The following NALCN variants were observed in gnomAD, a reference collection of about 807,000 sequenced individuals.
NALCN encodes sodium leak channel NALCN.
In NALCN, 111 loss-of-function variants were observed where a neutral mutation model predicts 225.3. The ratio of observed to expected loss-of-function variants is 0.49; its 90% confidence interval spans 0.42 to 0.58. NALCN has a LOEUF of 0.58. Ranked by LOEUF, NALCN falls within the 20% of genes least tolerant of loss-of-function variation. The probability of loss-of-function intolerance (pLI) is 0.00; values close to 1 mark genes in which losing one functional copy is unlikely to be tolerated. For missense variants in NALCN, 1,378 were observed against 2,202.4 expected, an observed-to-expected ratio of 0.63 and a Z score of 7.49; for synonymous variants, 764 against 769.0, an observed-to-expected ratio of 0.99 and a Z score of 0.11.
In NALCN at chr13:101,220,494, T is replaced by C. The variant is rs570508782; in HGVS notation, c.1626+8899A>G. On this transcript the variant is annotated intron_variant, in intron 13 of 43. Coordinates refer to ENST00000251127, the MANE Select transcript of NALCN (RefSeq NM_052867.4). ...AATTGTAATATTTTTTAACATTTCC[T>C]TGTAAAATTTTATTACTCTTCATGG... Among the ~76,000 whole-genome samples the C allele has an allele frequency of 1.1e-4, 17 of 152,354 alleles. No individual in the cohort carries two copies. In the South Asian group the frequency reaches 3.5e-3, roughly 32 times the overall value.
chr13:101,259,020 C>T (rs2042331040), intron 10 of NALCN, among the ~76,000 whole-genome samples: 3 of 152,018 alleles, frequency 2.0e-5, no homozygotes, highest in Admixed American at 2.0e-4. Flanking sequence ...TAAGAGAAAC[C>T]TGAGATTTAT....
At chr13:101,185,166 G>T (rs909929426) in intron 14 of NALCN, among the ~76,000 whole-genome samples, 1 of 152,184 alleles carries the variant, frequency 6.6e-6, no homozygotes, top group Non-Finnish European at 1.5e-5. Context: ...AAAGTCAAAT[G>T]TAATCAGCGC....
intron 1 of NALCN, among the ~76,000 whole-genome samples, chr13:101,403,017 C>T (rs545483065): frequency 6.6e-6 from 1 of 152,252 alleles, no homozygotes; most frequent in East Asian, 1.9e-4. Flanking sequence ...GGCCATGGGC[C>T]CTCAGGTCTG....
chr13:101,394,114 G>C (rs1387830219), intron 3 of NALCN, among the ~76,000 whole-genome samples: 1 of 152,032 alleles, frequency 6.6e-6, no homozygotes, highest in African/African-American at 2.4e-5. Flanking sequence ...AAACAGAATT[G>C]GCTAAATATT....
At chr13:101,187,672 A>G (rs564682344) in intron 14 of NALCN, among the ~76,000 whole-genome samples, 1 of 152,338 alleles carries the variant, frequency 6.6e-6, no homozygotes, top group South Asian at 2.1e-4. Flanking sequence ...TGCAAGCCCA[A>G]TTGATACCAG....
chr13:101,354,768 T>C (rs1414843410), intron 6 of NALCN, among the ~76,000 whole-genome samples: 1 of 152,240 alleles, frequency 6.6e-6, no homozygotes. Context: ...TTGAATGTGG[T>C]TTGACTGAGT....
intron 10 of NALCN, among the ~76,000 whole-genome samples, chr13:101,274,105 G>A (rs1029963150): frequency 2.6e-5 from 4 of 152,040 alleles, no homozygotes; most frequent in Admixed American, 2.6e-4. Flanking sequence ...CCTATCATCC[G>A]GAGAGCCATC....
intron 18 of NALCN, among the ~76,000 whole-genome samples, chr13:101,121,546 C>A (rs780215212): frequency 2.0e-5 from 3 of 151,982 alleles, no homozygotes; most frequent in African/African-American, 7.2e-5. Context: ...ACCTCCCTGG[C>A]GAGGAACCTC....
intron 10 of NALCN, among the ~76,000 whole-genome samples, chr13:101,276,451 C>T (rs572414876): frequency 6.6e-6 from 1 of 152,310 alleles, no homozygotes; most frequent in South Asian, 2.1e-4. Context: ...CAATACCTTT[C>T]TGCTAGTCCT....
intron 6 of NALCN, among the ~76,000 whole-genome samples, chr13:101,347,340 T>C (rs1003873161): frequency 6.6e-6 from 1 of 152,102 alleles, no homozygotes; most frequent in East Asian, 1.9e-4. Context: ...TTGCTCCCTC[T>C]AGTCATATTT....
At position 101,237,829 on chromosome 13, in the gene NALCN, C is replaced by G. The variant is rs745318137; in HGVS notation, c.1360G>C (p.Glu454Gln). The G allele has an allele frequency of 1.9e-6, 3 of 1,605,816 alleles. No individual in the cohort carries two copies. The South Asian group carries it at 3.3e-5, about 18-fold the overall frequency. ...GTAGTTCCAATTACGAGTAGTAGTT[C>G]GAATTTGTGGAGAGATGAGCTAATA... ...GYISSSLHKFELLLVIGTTLH... is the reference protein window; with the variant it reads ...GYISSSLHKFQLLLVIGTTLH... Residue 454 changes from glutamate (E) to glutamine (Q), a missense_variant, in exon 12 of 44, where the codon GAA (glutamate) becomes CAA (glutamine). This residue lies in a region of NALCN where 144 missense variants were observed against 187.7 expected (regional missense o/e 0.77). Coordinates refer to ENST00000251127, the MANE Select transcript of NALCN (RefSeq NM_052867.4).
chr13:101,274,770 CTG>C (rs1481124853), intron 10 of NALCN, among the ~76,000 whole-genome samples: 2 of 152,112 alleles, frequency 1.3e-5, no homozygotes, highest in Non-Finnish European at 2.9e-5. Context: ...TCAGGTGAGA[CTG>C]TAATAGCCTA....
intron 7 of NALCN, among the ~76,000 whole-genome samples, chr13:101,343,783 T>C (rs1176603858): frequency 1.3e-5 from 2 of 152,216 alleles, no homozygotes; most frequent in Non-Finnish European, 2.9e-5. Flanking sequence ...TTCTACCCTA[T>C]ATTAAGCAAA....
At chr13:101,250,056 T>TA (rs751903533) in intron 11 of NALCN, among the ~76,000 whole-genome samples, 61 of 152,020 alleles carry the variant, frequency 4.0e-4, no homozygotes, top group Non-Finnish European at 7.4e-4. Flanking sequence ...TAGGTCAATA[T>TA]AAAAAATTAA....
chr13:101,108,938 C>T (rs1341813635), intron 20 of NALCN, among the ~76,000 whole-genome samples: 5 of 152,134 alleles, frequency 3.3e-5, no homozygotes, highest in Admixed American at 2.0e-4. Context: ...TGGCATTTTG[C>T]TATGGAGAAG....
chr13:101,074,892 C>T (rs1040713661), intron 35 of NALCN, among the ~76,000 whole-genome samples: 1 of 152,100 alleles, frequency 6.6e-6, no homozygotes, highest in African/African-American at 2.4e-5. Flanking sequence ...AGGCGTTGGG[C>T]GAATTTTATT....
intron 6 of NALCN, among the ~76,000 whole-genome samples, chr13:101,347,095 C>G (rs982961892): frequency 2.0e-5 from 3 of 151,838 alleles, no homozygotes; most frequent in African/African-American, 7.2e-5. Context: ...TGTGCAATCC[C>G]TTAGCTATTT....
intron 7 of NALCN, among the ~76,000 whole-genome samples, chr13:101,341,910 G>A (rs1314103478): frequency 1.3e-5 from 2 of 152,208 alleles, no homozygotes; most frequent in Admixed American, 1.3e-4. Context: ...GGAGGTTCAA[G>A]AGAGAACCCT....
chr13:101,290,094 A>G (rs1450878507), intron 9 of NALCN, among the ~76,000 whole-genome samples: 2 of 152,196 alleles, frequency 1.3e-5, no homozygotes, highest in African/African-American at 4.8e-5. Flanking sequence ...ATCTAGACGC[A>G]TTACCTCTGA....
Sources: gnomAD v4.1 joint callset for allele counts (sites outside exome capture counted in the v4.1 genomes callset) on GRCh38, gnomAD v4.1.1 for gene constraint, gnomAD v4.1.1 regional missense constraint, MANE v1.5 for transcripts, NCBI Gene and HGNC (gene_info 2026-07-23, HGNC 2026-07-21) for gene names.